Variants in AGBL4 observed in about 807,000 individuals in gnomAD.
AGBL4 encodes AGBL carboxypeptidase 4.
A neutral mutation model predicts 66.4 loss-of-function variants in AGBL4; 58 were observed. The observed-to-expected ratio is 0.87, with a 90% CI of 0.71 to 1.09. The LOEUF (loss-of-function observed/expected upper bound fraction) is 1.09, where lower values mean the gene tolerates loss of function less well. Among genes scored for constraint, AGBL4 ranks in the 50% least tolerant of loss-of-function variants. The pLI is 0.00. For missense variants in AGBL4, 579 were observed against 631.0 expected, an observed-to-expected ratio of 0.92 and a Z score of 0.88; for synonymous variants, 234 against 222.9, an observed-to-expected ratio of 1.05 and a Z score of -0.44.
intron 3 of AGBL4, among the ~76,000 whole-genome samples, chr1:49,647,659 C>T (rs77592086): frequency 0.047 from 7,133 of 152,146 alleles, 531 homozygotes; most frequent in African/African-American, 0.15. Context: ...AGATCATTCT[C>T]TTCTACTTAA....
chr1:48,548,042 G>A (rs1041398607), intron 11 of AGBL4, among the ~76,000 whole-genome samples: 1 of 152,078 alleles, frequency 6.6e-6, no homozygotes, highest in Non-Finnish European at 1.5e-5. Context: ...AACTGACTAT[G>A]TGCCAAGTTA....
intron 5 of AGBL4, among the ~76,000 whole-genome samples, chr1:48,984,336 C>G (rs1660004478): frequency 6.6e-6 from 1 of 151,176 alleles, no homozygotes; most frequent in African/African-American, 2.4e-5. Flanking sequence ...AGGAATGTAG[C>G]CCTCTTTCTG....
chr1:49,177,004 G>A (rs1646844575), intron 4 of AGBL4, among the ~76,000 whole-genome samples: 1 of 152,094 alleles, frequency 6.6e-6, no homozygotes, highest in Admixed American at 6.6e-5. Context: ...AGTAACCGGT[G>A]ACAACTCAAC....
At chr1:49,661,690 G>A (rs191455395) in intron 3 of AGBL4, among the ~76,000 whole-genome samples, 9 of 152,152 alleles carry the variant, frequency 5.9e-5, no homozygotes, top group Non-Finnish European at 8.8e-5. Flanking sequence ...AAAGAGACAC[G>A]CACATCTATC....
chr1:49,586,287 T>C (rs751976259), intron 3 of AGBL4, among the ~76,000 whole-genome samples: 6 of 152,218 alleles, frequency 3.9e-5, no homozygotes, highest in Non-Finnish European at 5.9e-5. Flanking sequence ...TTTAATTTGC[T>C]GGATTCAAAG....
chr1:48,615,059 G>A (rs1645296785), intron 9 of AGBL4, among the ~76,000 whole-genome samples: 1 of 152,180 alleles, frequency 6.6e-6, no homozygotes, highest in Non-Finnish European at 1.5e-5. Context: ...AAGAGGGGAG[G>A]GGTAAAAGTC....
chr1:49,653,651 C>T (rs1646054652), intron 3 of AGBL4, among the ~76,000 whole-genome samples: 1 of 151,184 alleles, frequency 6.6e-6, no homozygotes, highest in African/African-American at 2.4e-5. Flanking sequence ...AGCTGAAAAA[C>T]ACAACATGAG....
At chr1:49,784,218 T>C (rs1644399803) in intron 2 of AGBL4, among the ~76,000 whole-genome samples, 1 of 152,090 alleles carries the variant, frequency 6.6e-6, no homozygotes, top group African/African-American at 2.4e-5. Context: ...CACCCTTCCC[T>C]ATTTCAAAAC....
At chr1:49,582,123 T>A (rs533142809) in intron 3 of AGBL4, among the ~76,000 whole-genome samples, 5 of 152,272 alleles carry the variant, frequency 3.3e-5, no homozygotes, top group African/African-American at 1.2e-4. Context: ...TGGGATGGGC[T>A]ACAAATCTCT....
chr1:49,729,949 C>T (rs1649307297), intron 2 of AGBL4, among the ~76,000 whole-genome samples: 1 of 152,102 alleles, frequency 6.6e-6, no homozygotes, highest in Non-Finnish European at 1.5e-5. Context: ...AGATAGAGTC[C>T]ATGACCCGAG....
intron 11 of AGBL4, among the ~76,000 whole-genome samples, chr1:48,575,232 C>G (rs546254176): frequency 6.6e-6 from 1 of 152,098 alleles, no homozygotes; most frequent in African/African-American, 2.4e-5. Flanking sequence ...TAGGAGATAT[C>G]CCAAACTTCT....
intron 4 of AGBL4, among the ~76,000 whole-genome samples, chr1:49,112,345 G>A (rs1436148891): frequency 6.6e-6 from 1 of 152,226 alleles, no homozygotes; most frequent in African/African-American, 2.4e-5. Context: ...TGAGCCTTCA[G>A]AGAGTCATCA....
chr1:49,697,537 A>G, intron 2 of AGBL4, 100 bp from the exon 3 acceptor site: 3 of 980,764 alleles, frequency 3.1e-6, no homozygotes, highest in Non-Finnish European at 4.3e-6. Flanking sequence ...GGCATTTGTC[A>G]ACATTCAGTA....
intron 5 of AGBL4, among the ~76,000 whole-genome samples, chr1:48,892,955 G>A (rs1476730349): frequency 2.6e-5 from 4 of 151,978 alleles, no homozygotes; most frequent in Non-Finnish European, 5.9e-5. Context: ...ATCTTTTAGG[G>A]GAATACAGTT....
chr1:50,017,365 C>G (rs891496699), intron 1 of AGBL4: 6 of 152,050 alleles, frequency 3.9e-5, no homozygotes, highest in African/African-American at 1.4e-4. Flanking sequence ...AAAACTAGCC[C>G]CTATCTCGAT....
intron 4 of AGBL4, among the ~76,000 whole-genome samples, chr1:49,157,248 C>A (rs375637295): frequency 6.6e-6 from 1 of 151,722 alleles, no homozygotes; most frequent in African/African-American, 2.4e-5. Flanking sequence ...CCCCACCCCC[C>A]AGAAGGCCCC....
intron 4 of AGBL4, among the ~76,000 whole-genome samples, chr1:49,061,371 C>T (rs375151533): frequency 1.3e-5 from 2 of 152,228 alleles, no homozygotes; most frequent in East Asian, 3.9e-4. Flanking sequence ...ATATCAGTCT[C>T]CAGACAGCAG....
At chr1:49,600,184 T>A (rs1644927466) in intron 3 of AGBL4, among the ~76,000 whole-genome samples, 1 of 152,184 alleles carries the variant, frequency 6.6e-6, no homozygotes, top group African/African-American at 2.4e-5. Context: ...TTCTGACTCA[T>A]TGATTTGTCT....
chr1:48,531,775 TG>T (rs1344785807), downstream of AGBL4, among the ~76,000 whole-genome samples: 218 of 152,090 alleles, frequency 1.4e-3, no homozygotes, highest in African/African-American at 2.0e-3. Flanking sequence ...TATGTATGTA[TG>T]TATGTATTTA....
Sources: gnomAD v4.1 joint callset for allele counts (sites outside exome capture counted in the v4.1 genomes callset) on GRCh38, gnomAD v4.1.1 for gene constraint, MANE v1.5 for transcripts, NCBI Gene and HGNC (gene_info 2026-07-23, HGNC 2026-07-21) for gene names.